The following MYO16 variants were observed in gnomAD, a reference collection of about 807,000 sequenced individuals.
MYO16 encodes myosin XVI, also known as unconventional myosin-XVI.
MYO16 carries 94 observed loss-of-function variants against 205.3 expected under a neutral mutation model. The observed-to-expected ratio is 0.46, with a 90% CI of 0.39 to 0.54. The LOEUF is 0.54. MYO16 is among the 20% of genes least tolerant of loss of function. MYO16 has a pLI of 0.00. For synonymous variants in MYO16, 988 were observed against 954.0 expected (o/e 1.04, Z -0.66); for missense variants, 2,315 against 2,387.5 (o/e 0.97, Z 0.63).
chr13:108,730,362 CTCTTT>C (rs1884481906), intron 4 of MYO16, among the ~76,000 whole-genome samples: 1 of 152,106 alleles, frequency 6.6e-6, no homozygotes, highest in Non-Finnish European at 1.5e-5. Context: ...TCAGTTAAAC[CTCTTT>C]TCTTTATAAA....
chr13:109,158,839 A>T (rs1384494615), intron 32 of MYO16, among the ~76,000 whole-genome samples: 3 of 152,232 alleles, frequency 2.0e-5, no homozygotes, highest in African/African-American at 7.2e-5. Context: ...TACAAATGTT[A>T]ACTGTTTGTA....
At chr13:108,652,218 A>G (rs949375008) in intron 1 of MYO16, among the ~76,000 whole-genome samples, 1 of 152,208 alleles carries the variant, frequency 6.6e-6, no homozygotes, top group Non-Finnish European at 1.5e-5. Context: ...CAGCACCTGC[A>G]TGTAAGCATG....
intron 20 of MYO16, among the ~76,000 whole-genome samples, chr13:108,988,156 T>C (rs1372859786): frequency 6.6e-6 from 1 of 152,166 alleles, no homozygotes; most frequent in Non-Finnish European, 1.5e-5. Flanking sequence ...CTCCCAGTTG[T>C]CAGAAATTGA....
At chr13:108,822,018 C>G (rs1031516209) in intron 8 of MYO16, among the ~76,000 whole-genome samples, 3 of 152,068 alleles carry the variant, frequency 2.0e-5, no homozygotes. Flanking sequence ...TGCCAATAAT[C>G]TAGGCAGCAA....
chr13:108,752,103 T>A (rs1230989903), intron 4 of MYO16, among the ~76,000 whole-genome samples: 1 of 152,206 alleles, frequency 6.6e-6, no homozygotes, highest in Non-Finnish European at 1.5e-5. Flanking sequence ...TATATAGGAA[T>A]GCTCTGTGGT....
rs1875905120 is a variant in MYO16 at position 108,820,417 on chromosome 13, G to A, written c.943+5G>A. The A allele has an allele frequency of 6.2e-7, 1 of 1,600,696 alleles. No homozygotes were observed. Among genetic ancestry groups the A allele is most frequent in the Non-Finnish European group, 8.5e-7 (1 of 1,172,728 alleles). On this transcript the variant is annotated splice_donor_5th_base_variant and intron_variant, in intron 8 of 34. Coordinates refer to ENST00000457511, the MANE Select transcript of MYO16 (RefSeq NM_001198950.3). ...GTAATGAGGAGAAGGCGTCAGGTAGGTTAGGAGCATCCTTGGACCATTGAG... is the reference window on the plus strand; with the variant it reads ...GTAATGAGGAGAAGGCGTCAGGTAGATTAGGAGCATCCTTGGACCATTGAG...
chr13:108,897,914 C>T lies in MYO16; in HGVS notation c.1660-102C>T, dbSNP rs549337869. 12 of 962,240 alleles carry T rather than the reference C, an allele frequency of 1.2e-5. No individual in the cohort carries two copies. The South Asian group carries it at 1.8e-4, about 14-fold the overall frequency. The allele number at this position is 962,240 out of a possible 1,614,324, so 59.6% of individuals were successfully genotyped here. On this transcript the variant is annotated intron_variant, in intron 14 of 34. Transcript: ENST00000457511. ...TAGCATTCTATGAGCAGGATAGAAA[C>T]TTTCAGACCAAGAAGTATTATTCAC...
intron 23 of MYO16, among the ~76,000 whole-genome samples, chr13:109,028,082 C>G (rs555950901): frequency 1.3e-4 from 20 of 151,990 alleles, no homozygotes; most frequent in Admixed American, 6.6e-4. Context: ...TATATACATG[C>G]GGTTACTGGT....
intron 2 of MYO16, among the ~76,000 whole-genome samples, chr13:108,708,324 C>T (rs770100181): frequency 2.0e-4 from 31 of 152,200 alleles, no homozygotes; most frequent in Admixed American, 1.2e-3. Flanking sequence ...AAAGGACTAT[C>T]AACTGTATGG....
At chr13:108,542,215 GAAAC>G in the MYO16 span, among the ~76,000 whole-genome samples, 14 of 151,976 alleles carry the variant, frequency 9.2e-5, no homozygotes, top group East Asian at 1.9e-4. Flanking sequence ...AACTAACACA[GAAAC>G]AAACAAACAA....
the MYO16 span, among the ~76,000 whole-genome samples, chr13:108,505,765 T>A: frequency 6.6e-6 from 1 of 152,168 alleles, no homozygotes; most frequent in Non-Finnish European, 1.5e-5. Context: ...AAGGTTTTCA[T>A]CATATGTTTT....
the MYO16 span, among the ~76,000 whole-genome samples, chr13:108,543,321 C>T: frequency 0.23 from 35,153 of 151,836 alleles, 4,315 homozygotes; most frequent in East Asian, 0.45. Context: ...GGATAATATA[C>T]CTTCATGAAA....
intron 3 of MYO16, 95 bp from the exon 4 acceptor site, chr13:108,727,345 T>C: frequency 1.5e-6 from 2 of 1,333,116 alleles, no homozygotes; most frequent in Non-Finnish European, 2.1e-6. Context: ...CTCCCAAAAT[T>C]GGTATTGAAG....
intron 1 of MYO16, among the ~76,000 whole-genome samples, chr13:108,663,313 AT>A (rs34321775): frequency 4.1e-4 from 62 of 149,410 alleles, no homozygotes; most frequent in Non-Finnish European, 7.6e-4. Flanking sequence ...TTCTTTCTTT[AT>A]TTTTTTTTTG....
intron 7 of MYO16, among the ~76,000 whole-genome samples, chr13:108,818,404 A>T (rs1225539015): frequency 6.1e-5 from 9 of 148,100 alleles, no homozygotes; most frequent in Non-Finnish European, 1.3e-4. Context: ...TAATAATAAT[A>T]AATAAAAATA....
upstream of MYO16, among the ~76,000 whole-genome samples, chr13:108,626,662 G>A (rs560788009): frequency 1.3e-5 from 2 of 151,828 alleles, no homozygotes; most frequent in South Asian, 4.2e-4. Context: ...AAATTAGCTG[G>A]GCATGGTAGT....
At chr13:108,501,152 C>T in the MYO16 span, among the ~76,000 whole-genome samples, 1 of 152,258 alleles carries the variant, frequency 6.6e-6, no homozygotes, top group South Asian at 2.1e-4. Flanking sequence ...TAGTGTATCG[C>T]GCTTATTGAA....
At chr13:108,620,761 G>A (rs981071807) in intron 1 of MYO16, among the ~76,000 whole-genome samples, 1 of 152,120 alleles carries the variant, frequency 6.6e-6, no homozygotes, top group Admixed American at 6.6e-5. Flanking sequence ...CGCCCTTGGG[G>A]GCCTTGAGTG....
At chr13:108,629,108 A>G (rs942297905), upstream of MYO16, 1 of 152,182 alleles carries the variant, frequency 6.6e-6, no homozygotes, top group African/African-American at 2.4e-5. Flanking sequence ...GAGAATCCTA[A>G]ATTTTAAAGC....
Sources: gnomAD v4.1 joint callset for allele counts (sites outside exome capture counted in the v4.1 genomes callset) on GRCh38, gnomAD v4.1.1 for gene constraint, MANE v1.5 for transcripts, NCBI Gene and HGNC (gene_info 2026-07-23, HGNC 2026-07-21) for gene names.